Variants in NCAPH2 observed in about 807,000 individuals in gnomAD.
NCAPH2 encodes non-SMC condensin II complex subunit H2.
A neutral mutation model predicts 88.6 loss-of-function variants in NCAPH2; 56 were observed. That is an observed-to-expected ratio of 0.63 (90% CI 0.51 to 0.79). The LOEUF is 0.79. Ranked by LOEUF, NCAPH2 falls within the 30% of genes least tolerant of loss-of-function variation. The probability of loss-of-function intolerance (pLI) is 0.00; values close to 1 mark genes in which losing one functional copy is unlikely to be tolerated. For synonymous variants in NCAPH2, 378 were observed against 313.6 expected, an observed-to-expected ratio of 1.21 and a Z score of -2.17; for missense variants, 794 against 792.0, an observed-to-expected ratio of 1.00 and a Z score of -0.03.
intron 1 of NCAPH2, among the ~76,000 whole-genome samples, chr22:50,513,410 G>A (rs1013600368): frequency 5.3e-5 from 8 of 151,434 alleles, no homozygotes; most frequent in African/African-American, 1.9e-4. Flanking sequence ...GGGCCGAGGT[G>A]GCTCACGCCT....
In NCAPH2 at chr22:50,522,178, C is replaced by T. The variant is rs1023283389; in HGVS notation, c.1163-3C>T. On this transcript the variant is annotated splice_region_variant and splice_polypyrimidine_tract_variant and intron_variant, in intron 13 of 19. Transcript: ENST00000420993. ...GGAGCCCTCACAAGGCCTTTGTCTG[C>T]AGACATGGAGGTCCTGTACTGGACA... The T allele has an allele frequency of 1.2e-6, 2 of 1,612,758 alleles. No individual in the cohort carries two copies. The highest frequency in any genetic ancestry group is 1.7e-6 in the Non-Finnish European group (2 of 1,179,284).
rs370363902 is a variant in NCAPH2 at position 50,522,056 on chromosome 22, C to T, written c.1162+17C>T. 2.6e-5 allele frequency: 42 copies of T among 1,613,852 alleles called. No homozygotes were observed. Among genetic ancestry groups the T allele is most frequent in the Admixed American group, 1.7e-4 (10 of 60,002 alleles). ...CCTTTGCAGGTGAGGCTGAAGTCCT[C>T]GGGGAAGACAGTTTTACTCTCCTTC... On this transcript the variant is annotated intron_variant, in intron 13 of 19. Transcript: ENST00000420993.
intron 1 of NCAPH2, among the ~76,000 whole-genome samples, chr22:50,514,106 CAAACA>C (rs568739989): frequency 1.6e-4 from 24 of 152,134 alleles, no homozygotes; most frequent in South Asian, 6.2e-4. Flanking sequence ...GACTCCGTCT[CAAACA>C]AAACAAAACA....
At chr22:50,517,522 G>A (rs141239310) in intron 3 of NCAPH2, 40 bp downstream of exon 3, 84 of 1,614,000 alleles carry the variant, frequency 5.2e-5, no homozygotes, top group Admixed American at 2.7e-4. Flanking sequence ...CCTGCATGTG[G>A]CCAGGGAGGC....
chr22:50,516,999 A>G (rs546641871), intron 2 of NCAPH2, among the ~76,000 whole-genome samples: 5 of 152,328 alleles, frequency 3.3e-5, no homozygotes, highest in African/African-American at 9.6e-5. Context: ...GGGACAGGGC[A>G]GGGCCAGGAC....
chr22:50,517,798 C>G lies in NCAPH2; in HGVS notation c.409C>G (p.Gln137Glu). 6.2e-7 allele frequency: 1 copy of G among 1,613,880 alleles called. No individual in the cohort carries two copies. The highest frequency in any genetic ancestry group is 8.5e-7 in the Non-Finnish European group (1 of 1,180,012). Residue 137 changes from glutamine to glutamate, a missense_variant, in exon 5 of 20, where the codon CAG (glutamine) becomes GAG (glutamate). Around this residue, in one of 2 missense-constraint regions of NCAPH2, gnomAD observed 735 missense variants for 696.3 expected, o/e 1.06. Transcript: ENST00000420993. ...GACTAACGTGGATCTCAAGAATGAT[C>G]AGACGCCCAGTGTGAGTCCTGGCCT... Reference protein sequence around the residue: ...SRTNVDLKNDQTPSEVLIIPL... With the variant: ...SRTNVDLKNDETPSEVLIIPL...
Position 50,508,406 on chromosome 22 carries a change from G to A in NCAPH2, c.69G>A (p.Glu23=). ...TCCGCGACCTCACCAAGAACTGGGAGGTGGACGTGGCGGCCCAGCTGGGCG... is the reference window on the plus strand; with the variant it reads ...TCCGCGACCTCACCAAGAACTGGGAAGTGGACGTGGCGGCCCAGCTGGGCG... ...QPIRDLTKNW[E]VDVAAQLGEY... Residue 23 remains glutamate (E), a synonymous_variant, in exon 1 of 20, where the codon GAG becomes GAA. Coordinates refer to ENST00000420993, the MANE Select transcript of NCAPH2 (RefSeq NM_152299.4). 1 of 1,475,004 alleles carries A rather than the reference G, an allele frequency of 6.8e-7. No homozygotes were observed. The allele number at this position is 1,475,004 out of a possible 1,614,324, so 91.4% of individuals were successfully genotyped here. A position where few individuals can be genotyped will look rare whatever the true frequency, so the allele number is the denominator to read the frequency against.
chr22:50,517,463 G>T lies in NCAPH2; in HGVS notation c.247G>T (p.Asp83Tyr), dbSNP rs2068955849. 1.2e-6 allele frequency: 2 copies of T among 1,613,934 alleles called. No homozygotes were observed. The highest frequency in any genetic ancestry group is 1.7e-6 in the Non-Finnish European group (2 of 1,180,034). ...CTACTCACTCGTCTACCAGGCCCTT[G>T]ATTTCATCTCTGGAAAGAGGTGAGT... ...YLYSLVYQAL[D>Y]FISGKRRAKQ... is the part of the protein sequence containing the mutation. The change falls in exon 3 of 20, where the codon GAT becomes TAT. Residue 83 changes from aspartate (D) to tyrosine (Y), a missense_variant. By Grantham distance (160) the Asp-to-Tyr change is radical (BLOSUM62 -3). This residue lies in a region of NCAPH2 where 735 missense variants were observed against 696.3 expected (regional missense o/e 1.06). Transcript: ENST00000420993.
chr22:50,514,163 G>T lies in NCAPH2; in HGVS notation c.109-2284G>T, dbSNP rs188966219. 2.2e-3 allele frequency among the ~76,000 whole-genome samples: 334 copies of T among 152,268 alleles called. 5 individuals carry two copies. In the South Asian group the frequency reaches 0.024, roughly 11 times the overall value. On this transcript the variant is annotated intron_variant, in intron 1 of 19. Coordinates refer to ENST00000420993, the MANE Select transcript of NCAPH2 (RefSeq NM_152299.4). ...TCCAAGTTGGGACCATAGAGCAGAG[G>T]AGGGCAGGCAGCTGGAGAGGGAGGC...
At chr22:50,513,456 C>T (rs1569520127) in intron 1 of NCAPH2, among the ~76,000 whole-genome samples, 2 of 152,100 alleles carry the variant, frequency 1.3e-5, no homozygotes, top group Admixed American at 6.6e-5. Context: ...AGGTGGCTCA[C>T]GCCTGTGATC....
At chr22:50,515,818 C>G (rs768960826) in intron 1 of NCAPH2, 2 of 1,285,982 alleles carry the variant, frequency 1.6e-6, no homozygotes, top group South Asian at 2.5e-5. Context: ...TGAATGTACT[C>G]TGTGGACAGC....
chr22:50,515,142 G>A (rs906657117), intron 1 of NCAPH2, among the ~76,000 whole-genome samples: 7 of 152,218 alleles, frequency 4.6e-5, no homozygotes, highest in African/African-American at 9.7e-5. Flanking sequence ...CTAAGGGAGC[G>A]GCACAGAGGC....
intron 1 of NCAPH2, among the ~76,000 whole-genome samples, chr22:50,512,099 C>A (rs2068800308): frequency 1.3e-5 from 2 of 152,210 alleles, no homozygotes; most frequent in Admixed American, 1.3e-4. Flanking sequence ...AGCCATTCTT[C>A]AACTCATTTA....
chr22:50,509,417 G>A (rs1168569177), intron 1 of NCAPH2, among the ~76,000 whole-genome samples: 5 of 152,050 alleles, frequency 3.3e-5, no homozygotes, highest in Non-Finnish European at 5.9e-5. Context: ...TTCCCATCTC[G>A]GAAAATGACA....
intron 1 of NCAPH2, among the ~76,000 whole-genome samples, chr22:50,513,053 T>C (rs186254015): frequency 6.6e-6 from 1 of 152,352 alleles, no homozygotes. Context: ...GTGTAATAAA[T>C]ATGCATTTGG....
chr22:50,521,709 G>C, intron 11 of NCAPH2, 32 bp from the exon 12 acceptor site: 1 of 1,612,986 alleles, frequency 6.2e-7, no homozygotes, highest in Non-Finnish European at 8.5e-7. Context: ...TGATCCCCCA[G>C]CGGCTCTAAG....
intron 7 of NCAPH2, 136 bp downstream of exon 7, chr22:50,518,414 G>A (rs976523019): frequency 6.8e-6 from 9 of 1,325,812 alleles, no homozygotes; most frequent in Non-Finnish European, 9.1e-6. Context: ...AGTCTAGACA[G>A]GTTGGCTGGT....
chr22:50,518,395 GC>G, intron 7 of NCAPH2, 117 bp downstream of exon 7: 1 of 1,430,804 alleles, frequency 7.0e-7, no homozygotes, highest in Non-Finnish European at 9.4e-7. Context: ...GTCTCTGGGT[GC>G]CTGCTCTAGT....
At chr22:50,519,071 C>T (rs752158100) in intron 8 of NCAPH2, 119 bp from the exon 9 acceptor site, 16 of 1,018,870 alleles carry the variant, frequency 1.6e-5, no homozygotes, top group Middle Eastern at 6.3e-4. Context: ...GCAAGGCACC[C>T]GCCAAATCCT....
Sources: allele counts gnomAD v4.1 joint callset (sites outside exome capture counted in the v4.1 genomes callset), GRCh38; gene constraint gnomAD v4.1.1; regional missense constraint gnomAD v4.1.1; transcripts MANE v1.5; gene names NCBI Gene and HGNC (gene_info 2026-07-23, HGNC 2026-07-21).